NEDD4L: variants seen among roughly 807,000 people sequenced by gnomAD.
NEDD4L encodes E3 ubiquitin-protein ligase NEDD4-like.
A neutral mutation model predicts 148.9 loss-of-function variants in NEDD4L; 54 were observed. The observed-to-expected ratio is 0.36, with a 90% CI of 0.29 to 0.45. The LOEUF is 0.45. NEDD4L is among the 20% of genes least tolerant of loss of function. The probability of loss-of-function intolerance (pLI) is 1.00; values close to 1 mark genes in which losing one functional copy is unlikely to be tolerated. For synonymous variants in NEDD4L, 433 were observed against 440.7 expected (o/e 0.98, Z 0.22); for missense variants, 856 against 1,233.8 (o/e 0.69, Z 4.59).
intron 16 of NEDD4L, among the ~76,000 whole-genome samples, chr18:58,343,932 G>T (rs1215478012): frequency 1.3e-5 from 2 of 152,090 alleles, no homozygotes; most frequent in Non-Finnish European, 2.9e-5. Context: ...CGTATTTCTG[G>T]CTATTTTTGA....
intron 1 of NEDD4L, among the ~76,000 whole-genome samples, chr18:58,142,005 A>AC (rs1241647154): frequency 4.6e-4 from 25 of 54,066 alleles, no homozygotes; most frequent in East Asian, 2.4e-3. Context: ...TGTCTACCCC[A>AC]CCCCCCCGAC....
chr18:58,078,269 C>T (rs1300852820), intron 1 of NEDD4L, among the ~76,000 whole-genome samples: 1 of 152,104 alleles, frequency 6.6e-6, no homozygotes, highest in Non-Finnish European at 1.5e-5. Context: ...TAATCTCAAA[C>T]TTTGAGTGAA....
chr18:58,209,941 C>T (rs2042431027), intron 2 of NEDD4L, among the ~76,000 whole-genome samples: 1 of 152,008 alleles, frequency 6.6e-6, no homozygotes, highest in South Asian at 2.1e-4. Context: ...CCAAGGCGGG[C>T]GGATCACCTG....
At chr18:58,193,140 T>G (rs2040298173) in intron 2 of NEDD4L, among the ~76,000 whole-genome samples, 1 of 152,208 alleles carries the variant, frequency 6.6e-6, no homozygotes, top group Non-Finnish European at 1.5e-5. Context: ...AGGAGCTATT[T>G]CTTTGGAATA....
intron 22 of NEDD4L, among the ~76,000 whole-genome samples, chr18:58,368,450 A>G (rs1395812597): frequency 6.6e-6 from 1 of 152,226 alleles, no homozygotes; most frequent in Non-Finnish European, 1.5e-5. Flanking sequence ...GACTTCTAAA[A>G]GATTTGGCCA....
At chr18:58,353,186 G>A (rs555727810) in intron 18 of NEDD4L, among the ~76,000 whole-genome samples, 1 of 152,294 alleles carries the variant, frequency 6.6e-6, no homozygotes, top group Admixed American at 6.5e-5. Flanking sequence ...ACTGGAAGGT[G>A]GAAGAAGGTA....
Position 58,296,995 on chromosome 18 carries a change from G to A in NEDD4L, c.298-18987G>A, listed in dbSNP as rs2055704969. 5.3e-5 allele frequency among the ~76,000 whole-genome samples: 8 copies of A among 152,274 alleles called. 1 individual carries two copies. In the South Asian group the frequency reaches 1.7e-3, roughly 32 times the overall value. ...CCAGCTACTTGGGAGGCTGAGGCAC[G>A]AGAATTGCTTGAACCCAGGAGGTGG... On this transcript the variant is annotated intron_variant, in intron 5 of 30. Transcript: ENST00000400345.
intron 1 of NEDD4L, among the ~76,000 whole-genome samples, chr18:58,057,791 C>T (rs1396740022): frequency 6.6e-6 from 1 of 152,126 alleles, no homozygotes; most frequent in Non-Finnish European, 1.5e-5. Context: ...GTCCCACAGC[C>T]CTGCTAATCC....
chr18:58,186,436 G>A (rs2039490911), intron 2 of NEDD4L, among the ~76,000 whole-genome samples: 1 of 152,142 alleles, frequency 6.6e-6, no homozygotes, highest in African/African-American at 2.4e-5. Context: ...CTAGCCCATC[G>A]TGAATTCATA....
intron 1 of NEDD4L, among the ~76,000 whole-genome samples, chr18:58,141,134 C>G (rs988513447): frequency 6.6e-6 from 1 of 152,238 alleles, no homozygotes; most frequent in Non-Finnish European, 1.5e-5. Context: ...CCATGGGCAC[C>G]CAGCACGGGG....
chr18:58,285,918 A>G (rs760632204), intron 5 of NEDD4L, among the ~76,000 whole-genome samples: 1 of 152,260 alleles, frequency 6.6e-6, no homozygotes, highest in Non-Finnish European at 1.5e-5. Flanking sequence ...TACGCAATGA[A>G]TAGAACATTA....
chr18:58,319,023 C>T (rs1318505551), intron 6 of NEDD4L, among the ~76,000 whole-genome samples: 1 of 152,192 alleles, frequency 6.6e-6, no homozygotes, highest in Non-Finnish European at 1.5e-5. Context: ...CCTGCCTGTA[C>T]TTGGAGGTAG....
At chr18:58,303,309 C>G (rs1321918471) in intron 5 of NEDD4L, among the ~76,000 whole-genome samples, 1 of 152,154 alleles carries the variant, frequency 6.6e-6, no homozygotes, top group Non-Finnish European at 1.5e-5. Context: ...TTGTTGAAGG[C>G]TTTTGACACG....
intron 2 of NEDD4L, among the ~76,000 whole-genome samples, 196 bp from the exon 3 acceptor site, chr18:58,245,228 CATT>C (rs1239785483): frequency 3.3e-5 from 5 of 152,130 alleles, no homozygotes; most frequent in Non-Finnish European, 7.4e-5. Context: ...TCTAAGTAAA[CATT>C]ATTGGCACTG....
chr18:58,285,442 CCT>C (rs2053753510), intron 5 of NEDD4L, among the ~76,000 whole-genome samples: 1 of 152,102 alleles, frequency 6.6e-6, no homozygotes, highest in African/African-American at 2.4e-5. Context: ...AATTTTCCTG[CCT>C]TAGCCTCCCC....
chr18:58,122,834 C>G (rs1163885987), intron 1 of NEDD4L, among the ~76,000 whole-genome samples: 2 of 151,872 alleles, frequency 1.3e-5, no homozygotes, highest in African/African-American at 4.8e-5. Flanking sequence ...CTCCCAAGTT[C>G]AAGCAATTCT....
At chr18:58,171,560 C>T (rs1337826951) in intron 2 of NEDD4L, among the ~76,000 whole-genome samples, 7 of 152,284 alleles carry the variant, frequency 4.6e-5, no homozygotes, top group Non-Finnish European at 8.8e-5. Context: ...TCAGAGGCTC[C>T]AGCCCTGTCT....
rs1434549689 is a variant in NEDD4L at position 58,387,752 on chromosome 18, G to A, written c.2547+254G>A. On this transcript the variant is annotated intron_variant, in intron 27 of 30. Coordinates refer to ENST00000400345, the MANE Select transcript of NEDD4L (RefSeq NM_001144967.3). ...CTGTAGTTGCCTTGTCCATCAGAGGGCAGTTCTGGAACATGCCTAGTAAGT... is the reference window on the plus strand; with the variant it reads ...CTGTAGTTGCCTTGTCCATCAGAGGACAGTTCTGGAACATGCCTAGTAAGT... 8.3e-6 allele frequency: 3 copies of A among 361,166 alleles called. No individual in the cohort carries two copies. In the East Asian group the frequency reaches 2.0e-4, roughly 24 times the overall value. The allele number at this position is 361,166 out of a possible 1,614,324, so 22.4% of individuals were successfully genotyped here. A position where few individuals can be genotyped will look rare whatever the true frequency, so the allele number is the denominator to read the frequency against.
intron 1 of NEDD4L, among the ~76,000 whole-genome samples, chr18:58,061,209 C>G (rs1164919469): frequency 1.3e-5 from 2 of 152,188 alleles, no homozygotes; most frequent in Non-Finnish European, 2.9e-5. Context: ...TTGAGAAACC[C>G]TGCTGTAGTG....
Sources: gnomAD v4.1 joint callset for allele counts (sites outside exome capture counted in the v4.1 genomes callset) on GRCh38, gnomAD v4.1.1 for gene constraint, MANE v1.5 for transcripts, NCBI Gene and HGNC (gene_info 2026-07-23, HGNC 2026-07-21) for gene names.